Variants in RARB observed in about 807,000 individuals in gnomAD.
RARB encodes the protein HBV-activated protein.
In RARB, 17 loss-of-function variants were observed where a neutral mutation model predicts 51.9. The ratio of observed to expected loss-of-function variants is 0.33; its 90% CI spans 0.22 to 0.49. The LOEUF is 0.49. Ranked by LOEUF, RARB falls within the 20% of genes least tolerant of loss-of-function variation. The pLI is 0.99. For synonymous variants in RARB, 215 were observed against 195.4 expected, an observed-to-expected ratio of 1.10 and a Z score of -0.84; for missense variants, 369 against 550.8, an observed-to-expected ratio of 0.67 and a Z score of 3.30.
At chr3:25,438,081 G>A (rs1379396382) in intron 1 of RARB, among the ~76,000 whole-genome samples, 2 of 152,148 alleles carry the variant, frequency 1.3e-5, no homozygotes, top group Non-Finnish European at 2.9e-5. Context: ...AAATTGGGCT[G>A]GCAATCCAAA....
chr3:25,130,531 ACT>A (rs1431332086), intron 3 of RARB, among the ~76,000 whole-genome samples: 3 of 151,246 alleles, frequency 2.0e-5, no homozygotes, highest in East Asian at 3.9e-4. Flanking sequence ...CCTTGTATTT[ACT>A]CTCTTTCCTT....
At chr3:24,941,126 G>C (rs1695657541) in intron 2 of RARB, among the ~76,000 whole-genome samples, 1 of 152,006 alleles carries the variant, frequency 6.6e-6, no homozygotes, top group South Asian at 2.1e-4. Context: ...AAAGGAAAGG[G>C]GTTCCACTTT....
chr3:24,998,257 G>A (rs927120463), intron 2 of RARB, among the ~76,000 whole-genome samples: 4 of 148,504 alleles, frequency 2.7e-5, no homozygotes, highest in African/African-American at 7.3e-5. Context: ...GGTGGTTCAC[G>A]GCCTTTTGAC....
rs146914607 is a variant in RARB at position 25,391,097 on chromosome 3, C to T, written c.179-70096C>T. Among the ~76,000 whole-genome samples the T allele has an allele frequency of 3.6e-3, 542 of 152,174 alleles. 1 individual carries two copies. The highest frequency in any genetic ancestry group is 6.1e-3 in the Non-Finnish European group (414 of 68,008). On this transcript the variant is annotated intron_variant, in intron 5 of 11. Transcript: ENST00000383772. ...AAAGTTTATTGTATCATTCTTATGC[C>T]TTGGTGTCCTCATAGCATAGCTCCT...
chr3:25,336,904 C>T (rs1163401436), intron 5 of RARB, among the ~76,000 whole-genome samples: 1 of 152,124 alleles, frequency 6.6e-6, no homozygotes, highest in African/African-American at 2.4e-5. Context: ...CAGGGTCCTA[C>T]TCTGAGGCTT....
chr3:25,516,631 CTT>C (rs559135603), intron 3 of RARB, among the ~76,000 whole-genome samples: 12 of 131,540 alleles, frequency 9.1e-5, no homozygotes, highest in Admixed American at 7.4e-5. Context: ...ATTTCCTTGT[CTT>C]TTTTTTTTTT....
chr3:25,154,615 C>T (rs1700344875), intron 4 of RARB, among the ~76,000 whole-genome samples: 1 of 152,204 alleles, frequency 6.6e-6, no homozygotes, highest in Admixed American at 6.5e-5. Context: ...CAATGACTCA[C>T]CAGTGGGTAC....
intron 2 of RARB, among the ~76,000 whole-genome samples, chr3:24,879,649 C>T (rs1033009462): frequency 1.3e-5 from 2 of 151,886 alleles, no homozygotes; most frequent in African/African-American, 4.8e-5. Context: ...ATAGACAGAA[C>T]CTGATCTTTT....
intron 2 of RARB, among the ~76,000 whole-genome samples, chr3:25,479,276 T>A (rs1696113974): frequency 6.6e-6 from 1 of 152,170 alleles, no homozygotes. Flanking sequence ...TCTGTCATGG[T>A]GTGTTCATTG....
chr3:25,109,692 G>T (rs1445922371), intron 3 of RARB, among the ~76,000 whole-genome samples: 4 of 152,172 alleles, frequency 2.6e-5, no homozygotes, highest in Admixed American at 2.0e-4. Context: ...AGACCAACTG[G>T]GAGGCAGGAT....
chr3:25,086,395 C>T (rs1348323842), intron 3 of RARB, among the ~76,000 whole-genome samples: 2 of 152,044 alleles, frequency 1.3e-5, no homozygotes, highest in African/African-American at 2.4e-5. Flanking sequence ...AATTTGCTAA[C>T]GTAAGAAGGT....
chr3:24,883,845 C>T (rs981840452), intron 2 of RARB, among the ~76,000 whole-genome samples: 23 of 152,096 alleles, frequency 1.5e-4, no homozygotes, highest in Middle Eastern at 3.4e-3. Flanking sequence ...ATGATTCTTG[C>T]GTAAGTTGCT....
chr3:25,152,262 T>A (rs542903809), intron 4 of RARB, among the ~76,000 whole-genome samples: 1 of 151,308 alleles, frequency 6.6e-6, no homozygotes, highest in East Asian at 2.0e-4. Context: ...TGCTTTCAAC[T>A]CACTTGTCTT....
intron 1 of RARB, among the ~76,000 whole-genome samples, chr3:24,835,378 A>G (rs934975554): frequency 1.1e-4 from 17 of 152,228 alleles, no homozygotes; most frequent in African/African-American, 3.9e-4. Context: ...AGCCAAGCAA[A>G]TAACTTCCTG....
intron 2 of RARB, among the ~76,000 whole-genome samples, chr3:24,862,279 A>T (rs937262): frequency 6.6e-6 from 1 of 151,996 alleles, no homozygotes; most frequent in African/African-American, 2.4e-5. Flanking sequence ...AGTGCTATTA[A>T]AGGCTATAGT....
intron 2 of RARB, among the ~76,000 whole-genome samples, chr3:25,010,081 T>C (rs1016578714): frequency 6.6e-6 from 1 of 152,106 alleles, no homozygotes; most frequent in African/African-American, 2.4e-5. Context: ...AAGTTTTTCT[T>C]AGTGTAACTT....
intron 5 of RARB, among the ~76,000 whole-genome samples, chr3:25,278,324 A>T (rs559493045): frequency 2.0e-5 from 3 of 152,198 alleles, no homozygotes; most frequent in Admixed American, 6.5e-5. Flanking sequence ...TTTAAATATG[A>T]TGCAAATATG....
intron 2 of RARB, among the ~76,000 whole-genome samples, chr3:24,938,765 G>C (rs562746075): frequency 4.1e-4 from 62 of 152,052 alleles, no homozygotes; most frequent in African/African-American, 1.4e-3. Flanking sequence ...TCTGTTCTTT[G>C]TCTCTATGAA....
At chr3:24,871,487 G>A (rs562337591) in intron 2 of RARB, among the ~76,000 whole-genome samples, 3 of 151,996 alleles carry the variant, frequency 2.0e-5, no homozygotes, top group East Asian at 1.9e-4. Context: ...TCCTTTTCAC[G>A]CACCCCTCTA....
Sources: allele counts gnomAD v4.1 joint callset (sites outside exome capture counted in the v4.1 genomes callset), GRCh38; gene constraint gnomAD v4.1.1; transcripts MANE v1.5; gene names NCBI Gene and HGNC (gene_info 2026-07-23, HGNC 2026-07-21).